DNAH12: variants seen among roughly 807,000 people sequenced by gnomAD.
DNAH12 encodes axonemal beta dynein heavy chain 12.
Under a neutral mutation model 371.5 loss-of-function variants are expected in DNAH12, and 285 were observed. The ratio of observed to expected loss-of-function variants is 0.77; its 90% CI spans 0.70 to 0.85. DNAH12 has a LOEUF of 0.85. DNAH12 is among the 40% of genes least tolerant of loss of function. The probability of loss-of-function intolerance (pLI) is 0.00; values close to 1 mark genes in which losing one functional copy is unlikely to be tolerated. For missense variants in DNAH12, 3,611 were observed against 3,689.4 expected (o/e 0.98, Z 0.55); for synonymous variants, 1,200 against 1,213.0 (o/e 0.99, Z 0.22).
chr3:57,389,998 G>A (rs2063581520), intron 45 of DNAH12, among the ~76,000 whole-genome samples: 1 of 149,400 alleles, frequency 6.7e-6, no homozygotes, highest in African/African-American at 2.4e-5. Context: ...ACCACACTGA[G>A]GTAACTTTTG....
At chr3:57,513,689 C>T (rs1235106771) in intron 4 of DNAH12, among the ~76,000 whole-genome samples, 2 of 152,040 alleles carry the variant, frequency 1.3e-5, no homozygotes, top group Non-Finnish European at 2.9e-5. Context: ...GGCACTTAAA[C>T]CATATTTTAA....
intron 39 of DNAH12, 28 bp downstream of exon 39, chr3:57,413,718 A>T: frequency 1.3e-6 from 2 of 1,541,256 alleles, no homozygotes; most frequent in Non-Finnish European, 1.7e-6. Flanking sequence ...GTATAACTTC[A>T]GCATAACTTA....
At chr3:57,296,472 C>T in intron 71 of DNAH12, 37 bp from the exon 72 acceptor site, 1 of 1,443,916 alleles carries the variant, frequency 6.9e-7, no homozygotes, top group Non-Finnish European at 9.5e-7. Flanking sequence ...TGATCCTCTC[C>T]AGACAACTTC....
chr3:57,476,578 T>TAAAAATA (rs2066533983), intron 13 of DNAH12, among the ~76,000 whole-genome samples: 1 of 151,594 alleles, frequency 6.6e-6, no homozygotes, highest in Non-Finnish European at 1.5e-5. Context: ...AAATAAAAAA[T>TAAAAATA]AAAAAAAATC....
chr3:57,497,090 A>G (rs572705181), intron 11 of DNAH12, among the ~76,000 whole-genome samples: 10 of 152,350 alleles, frequency 6.6e-5, no homozygotes, highest in African/African-American at 2.2e-4. Flanking sequence ...GCTGAGCGAA[A>G]TTAAAGAAGG....
At chr3:57,340,991 A>T (rs1342892553) in intron 60 of DNAH12, among the ~76,000 whole-genome samples, 1 of 152,212 alleles carries the variant, frequency 6.6e-6, no homozygotes, top group Non-Finnish European at 1.5e-5. Context: ...TTCAACCTAC[A>T]CAAATAATGT....
At chr3:57,458,727 T>C (rs964540231) in intron 20 of DNAH12, among the ~76,000 whole-genome samples, 3 of 152,172 alleles carry the variant, frequency 2.0e-5, no homozygotes, top group Non-Finnish European at 2.9e-5. Flanking sequence ...CCATAAAATT[T>C]TATTGTAGCA....
the DNAH12 span, among the ~76,000 whole-genome samples, chr3:57,553,824 ATTTC>A: frequency 6.6e-6 from 1 of 150,830 alleles, no homozygotes; most frequent in Non-Finnish European, 1.5e-5. Flanking sequence ...TTCTGAAGAT[ATTTC>A]TTTTTTTTTT....
At chr3:57,430,866 G>C (rs2064934236) in intron 32 of DNAH12, among the ~76,000 whole-genome samples, 1 of 152,062 alleles carries the variant, frequency 6.6e-6, no homozygotes, top group African/African-American at 2.4e-5. Context: ...ATGATCTAGA[G>C]GTGGATTGTC....
chr3:57,552,466 T>G, the DNAH12 span, among the ~76,000 whole-genome samples: 383 of 152,352 alleles, frequency 2.5e-3, 5 homozygotes, highest in African/African-American at 8.7e-3. Context: ...TTGTAGATGC[T>G]TATCCCATTC....
chr3:57,315,941 A>G (rs1042568023), intron 65 of DNAH12, among the ~76,000 whole-genome samples: 5 of 152,188 alleles, frequency 3.3e-5, no homozygotes, highest in Non-Finnish European at 7.3e-5. Flanking sequence ...GCTGTAGCCT[A>G]TGAAGAGTCT....
At chr3:57,496,624 A>G (rs2067332523) in intron 11 of DNAH12, among the ~76,000 whole-genome samples, 1 of 152,178 alleles carries the variant, frequency 6.6e-6, no homozygotes, top group African/African-American at 2.4e-5. Flanking sequence ...AGGATGCCCT[A>G]TGTCACTGCT....
intron 2 of DNAH12, among the ~76,000 whole-genome samples, chr3:57,535,701 C>T (rs1354369846): frequency 1.3e-5 from 2 of 151,670 alleles, no homozygotes; most frequent in South Asian, 2.1e-4. Context: ...TGCCACCACA[C>T]CTGGCTAATT....
At chr3:57,328,572 C>A (rs1307470948) in intron 62 of DNAH12, among the ~76,000 whole-genome samples, 1 of 151,846 alleles carries the variant, frequency 6.6e-6, no homozygotes, top group Non-Finnish European at 1.5e-5. Flanking sequence ...AAAATAATAA[C>A]AGCTATCCAT....
In DNAH12 at chr3:57,447,553, G is replaced by T. The variant is rs569225383; in HGVS notation, c.3787-864C>A. 1.1e-4 allele frequency among the ~76,000 whole-genome samples: 16 copies of T among 152,040 alleles called. No homozygotes were observed. In the South Asian group the frequency reaches 2.7e-3, roughly 26 times the overall value. ...ATGAACCTAGAACTGCTCAAAAAAA[G>T]GTCTACCTTTAAAAATAAGTAAACC... On this transcript the variant is annotated intron_variant, in intron 25 of 73. Transcript: ENST00000495027.
At chr3:57,409,938 T>C (rs189357518) in intron 39 of DNAH12, among the ~76,000 whole-genome samples, 112 of 152,260 alleles carry the variant, frequency 7.4e-4, no homozygotes, top group Non-Finnish European at 1.1e-3. Context: ...CTCAAAGATA[T>C]GGTAGGTAGT....
At chr3:57,353,013 C>T (rs1319176911) in intron 59 of DNAH12, among the ~76,000 whole-genome samples, 3 of 151,912 alleles carry the variant, frequency 2.0e-5, no homozygotes, top group Non-Finnish European at 2.9e-5. Context: ...TGCTTGAACC[C>T]GGGAGGTGGA....
intron 69 of DNAH12, among the ~76,000 whole-genome samples, chr3:57,302,567 A>ATATATATTTTTTTTTTTTT (rs2061380979): frequency 3.6e-5 from 1 of 27,484 alleles, no homozygotes; most frequent in Admixed American, 7.2e-4. Flanking sequence ...ATATATATGT[A>ATATATATTTTTTTTTTTTT]TTTTTTTTTT....
the DNAH12 span, among the ~76,000 whole-genome samples, chr3:57,555,172 A>T: frequency 6.6e-6 from 1 of 152,100 alleles, no homozygotes; most frequent in African/African-American, 2.4e-5. Flanking sequence ...TGAACTCTGG[A>T]AGCCGAAGTT....
Sources: gnomAD v4.1 joint callset for allele counts (sites outside exome capture counted in the v4.1 genomes callset) on GRCh38, gnomAD v4.1.1 for gene constraint, MANE v1.5 for transcripts, NCBI Gene and HGNC (gene_info 2026-07-23, HGNC 2026-07-21) for gene names.